The following PLXDC2 variants were observed in gnomAD, a reference collection of about 807,000 sequenced individuals.
The protein encoded by PLXDC2 is plexin domain-containing protein 2.
In PLXDC2, 40 loss-of-function variants were observed where a neutral mutation model predicts 68.9. The ratio of observed to expected loss-of-function variants is 0.58; its 90% CI spans 0.45 to 0.76. The LOEUF (loss-of-function observed/expected upper bound fraction) is 0.76, where lower values mean the gene tolerates loss of function less well. Among genes scored for constraint, PLXDC2 ranks in the 30% least tolerant of loss-of-function variants. The pLI, the probability that PLXDC2 is intolerant of heterozygous loss-of-function variation, is 0.00. For missense variants in PLXDC2, 644 were observed against 661.9 expected, an observed-to-expected ratio of 0.97 and a Z score of 0.30; for synonymous variants, 243 against 234.2, an observed-to-expected ratio of 1.04 and a Z score of -0.34.
intron 7 of PLXDC2, among the ~76,000 whole-genome samples, chr10:20,176,196 A>G (rs1834524904): frequency 6.6e-6 from 1 of 152,136 alleles, no homozygotes; most frequent in Non-Finnish European, 1.5e-5. Flanking sequence ...ATGATACTGT[A>G]TATTTAATAC....
intron 7 of PLXDC2, among the ~76,000 whole-genome samples, chr10:20,165,066 T>C (rs916628012): frequency 6.6e-6 from 1 of 152,116 alleles, no homozygotes; most frequent in Non-Finnish European, 1.5e-5. Flanking sequence ...TAAGTGGTCT[T>C]CCTGCCTCAG....
chr10:20,155,466 G>T (rs1834205034), intron 6 of PLXDC2, among the ~76,000 whole-genome samples: 1 of 152,096 alleles, frequency 6.6e-6, no homozygotes, highest in East Asian at 1.9e-4. Flanking sequence ...GAGCAGAAAA[G>T]AATAATATAT....
At chr10:20,117,686 A>G (rs913433836) in intron 4 of PLXDC2, among the ~76,000 whole-genome samples, 1 of 152,240 alleles carries the variant, frequency 6.6e-6, no homozygotes, top group Non-Finnish European at 1.5e-5. Flanking sequence ...AAAGTGAGTC[A>G]TGGATATGGC....
At chr10:19,904,160 G>A (rs1316141314) in intron 1 of PLXDC2, among the ~76,000 whole-genome samples, 1 of 152,172 alleles carries the variant, frequency 6.6e-6, no homozygotes, top group African/African-American at 2.4e-5. Flanking sequence ...ATATTCTGCA[G>A]TTGTCGGGTA....
intron 1 of PLXDC2, among the ~76,000 whole-genome samples, chr10:19,982,288 TC>T (rs931644003): frequency 1.1e-3 from 167 of 152,344 alleles, no homozygotes; most frequent in African/African-American, 3.3e-3. Context: ...CCCTGAATGG[TC>T]CCGTGTGACT....
intron 13 of PLXDC2, among the ~76,000 whole-genome samples, chr10:20,268,941 T>C (rs1185965790): frequency 6.6e-6 from 1 of 152,236 alleles, no homozygotes; most frequent in Non-Finnish European, 1.5e-5. Flanking sequence ...TAACCACTTG[T>C]GGCAATGTGG....
intron 13 of PLXDC2, among the ~76,000 whole-genome samples, chr10:20,274,868 CA>C (rs58738641): frequency 0.12 from 12,703 of 109,254 alleles, 552 homozygotes; most frequent in East Asian, 0.28. Context: ...ATCAGAATTT[CA>C]AAAAAAAAAA....
chr10:20,183,302 T>C (rs1337117876), intron 9 of PLXDC2, among the ~76,000 whole-genome samples: 1 of 151,706 alleles, frequency 6.6e-6, no homozygotes, highest in Non-Finnish European at 1.5e-5. Context: ...ATGGAGAGAG[T>C]ATAAATTGAA....
Position 20,014,678 on chromosome 10 carries a change from T to A in PLXDC2, c.324+12692T>A, listed in dbSNP as rs540972563. Among the ~76,000 whole-genome samples, 40 of 152,246 alleles carry A rather than the reference T, an allele frequency of 2.6e-4. No homozygotes were observed. In the East Asian group the frequency reaches 7.2e-3, roughly 27 times the overall value. On this transcript the variant is annotated intron_variant, in intron 2 of 13. Transcript: ENST00000377252. ...TGCTATGGTTTGAGCAGATTTAGAA[T>A]GTATTTAATAGGCTTTGTTCAGATA... is the stretch of plus-strand genomic sequence containing the variant.
At chr10:20,033,444 A>G (rs1045395107) in intron 2 of PLXDC2, among the ~76,000 whole-genome samples, 4 of 152,176 alleles carry the variant, frequency 2.6e-5, no homozygotes, top group South Asian at 2.1e-4. Flanking sequence ...AGCATACCCA[A>G]TTATGCATTG....
chr10:20,180,783 G>A (rs750201373), intron 9 of PLXDC2, among the ~76,000 whole-genome samples: 1 of 152,042 alleles, frequency 6.6e-6, no homozygotes, highest in African/African-American at 2.4e-5. Context: ...TTGAGTTAGA[G>A]GAACATAAGG....
In PLXDC2 at chr10:20,249,572, G is replaced by C. The variant is rs764135982; in HGVS notation, c.1473+4067G>C. 2.0e-5 allele frequency among the ~76,000 whole-genome samples: 3 copies of C among 151,956 alleles called. No individual in the cohort carries two copies. The South Asian group carries it at 6.2e-4, about 31-fold the overall frequency. ...CACCGTCACATCTCCTACCACTAACGTTGACCCTCCAGCCTCCTTTTTGTA... is the reference window on the plus strand; with the variant it reads ...CACCGTCACATCTCCTACCACTAACCTTGACCCTCCAGCCTCCTTTTTGTA... On this transcript the variant is annotated intron_variant, in intron 13 of 13. Coordinates refer to ENST00000377252, the MANE Select transcript of PLXDC2 (RefSeq NM_032812.9).
At chr10:20,232,849 A>T (rs1264252249) in intron 12 of PLXDC2, among the ~76,000 whole-genome samples, 1 of 152,178 alleles carries the variant, frequency 6.6e-6, no homozygotes, top group Non-Finnish European at 1.5e-5. Flanking sequence ...CAAATTGTAC[A>T]TTTAAAATTC....
chr10:20,031,481 C>A (rs1835500201), intron 2 of PLXDC2, among the ~76,000 whole-genome samples: 1 of 152,142 alleles, frequency 6.6e-6, no homozygotes, highest in South Asian at 2.1e-4. Flanking sequence ...GTTTTTGATT[C>A]TTGAAATATC....
rs114937451 is a variant in PLXDC2, at chr10:20,226,651, G to A, written c.1312+7549G>A. 5.2e-3 allele frequency among the ~76,000 whole-genome samples: 787 copies of A among 152,304 alleles called. 11 individuals carry two copies. The highest frequency in any genetic ancestry group is 0.016 in the African/African-American group (655 of 41,570). On this transcript the variant is annotated intron_variant, in intron 12 of 13. Transcript: ENST00000377252. ...GTAGGTTAATTTGTAGATAGAATGTGTAGTTAGAGTTTATGCTGCCGATAG... is the reference window on the plus strand; with the variant it reads ...GTAGGTTAATTTGTAGATAGAATGTATAGTTAGAGTTTATGCTGCCGATAG...
chr10:20,164,503 T>TGGTGA lies in PLXDC2; in HGVS notation c.819_820insGGTGA (p.His274GlyfsTer5). On this transcript the variant is annotated frameshift_variant, in exon 7 of 14. Coordinates refer to ENST00000377252, the MANE Select transcript of PLXDC2 (RefSeq NM_032812.9). LOFTEE classifies it high-confidence loss of function. ...TGGTCACACAGATAAGTTCAACCAATCATCCAGTGAAAGTCGGACTGTCCG... is the reference window on the plus strand; with the variant it reads ...TGGTCACACAGATAAGTTCAACCAATGGTGACATCCAGTGAAAGTCGGACTGTCCG... The TGGTGA allele has an allele frequency of 6.2e-7, 1 of 1,613,716 alleles. No homozygotes were observed. The highest frequency in any genetic ancestry group is 1.1e-5 in the South Asian group (1 of 91,086).
At position 20,284,637 on chromosome 10, in the gene PLXDC2, T is replaced by C. The variant is rs867700907; in HGVS notation, c.*4818T>C. 2 of 151,966 alleles carry C rather than the reference T, an allele frequency of 1.3e-5. No homozygotes were observed. The highest frequency in any genetic ancestry group is 2.9e-5 in the Non-Finnish European group (2 of 68,000). The allele number at this position is 151,966 out of a possible 1,614,324, so 9.4% of individuals were successfully genotyped here. A position where few individuals can be genotyped will look rare whatever the true frequency, so the allele number is the denominator to read the frequency against. On this transcript the variant is annotated 3_prime_UTR_variant, in exon 14 of 14. Coordinates refer to ENST00000377252, the MANE Select transcript of PLXDC2 (RefSeq NM_032812.9). ...GACATCATGTAATCCAACCTCTTAA[T>C]GTTACAGATAAGTAAACTGAGGCCC...
intron 12 of PLXDC2, among the ~76,000 whole-genome samples, chr10:20,230,734 C>A (rs1835353540): frequency 1.3e-4 from 12 of 93,762 alleles, no homozygotes; most frequent in African/African-American, 1.7e-4. Context: ...AGTGTCATTT[C>A]ATTAGGAACC....
rs72793896 is a variant in PLXDC2, at chr10:20,178,180, G to A, written c.1061+771G>A. On this transcript the variant is annotated intron_variant, in intron 9 of 13. Coordinates refer to ENST00000377252, the MANE Select transcript of PLXDC2 (RefSeq NM_032812.9). ...GGAGATATAATCTAATACAAAAATA[G>A]AACATGTGGTTTTGATGTCATGTTG... Among the ~76,000 whole-genome samples, 778 of 152,210 alleles carry A rather than the reference G, an allele frequency of 5.1e-3. 5 individuals are homozygous for A. Among genetic ancestry groups the A allele is most frequent in the South Asian group, 8.1e-3 (39 of 4,818 alleles).
Sources: allele counts gnomAD v4.1 joint callset (sites outside exome capture counted in the v4.1 genomes callset), GRCh38; gene constraint gnomAD v4.1.1; transcripts MANE v1.5; gene names NCBI Gene and HGNC (gene_info 2026-07-23, HGNC 2026-07-21).